The following SOX5 variants were observed in gnomAD, a reference collection of about 807,000 sequenced individuals.
SOX5 encodes SRY-box transcription factor 5.
Under a neutral mutation model 92.0 loss-of-function variants are expected in SOX5, and 9 were observed. The ratio of observed to expected loss-of-function variants is 0.10; its 90% CI spans 0.06 to 0.17. The LOEUF (loss-of-function observed/expected upper bound fraction) is 0.17. Among genes scored for constraint, SOX5 ranks in the 10% least tolerant of loss-of-function variants. The pLI is 1.00. For synonymous variants in SOX5, 344 were observed against 336.3 expected (o/e 1.02, Z -0.25); for missense variants, 642 against 944.5 (o/e 0.68, Z 4.20).
intron 8 of SOX5, among the ~76,000 whole-genome samples, chr12:23,608,120 A>G (rs914976234): frequency 2.0e-4 from 29 of 147,236 alleles, no homozygotes; most frequent in Admixed American, 4.0e-4. Flanking sequence ...AAAAAGAAAA[A>G]AAAAAAAAAA....
intron 4 of SOX5, among the ~76,000 whole-genome samples, chr12:24,036,142 AAGTT>A (rs1386039907): frequency 1.3e-5 from 2 of 152,106 alleles, no homozygotes; most frequent in Non-Finnish European, 2.9e-5. Flanking sequence ...CACTAACAAT[AAGTT>A]AGTTAGCAAC....
At chr12:23,536,306 C>T in intron 14 of SOX5, 147 bp downstream of exon 14, 1 of 651,160 alleles carries the variant, frequency 1.5e-6, no homozygotes. Context: ...TTTTCAAGAT[C>T]ATGTGGGAGA....
At position 23,846,095 on chromosome 12, in the gene SOX5, G is replaced by A; in HGVS notation, c.369C>T (p.Ser123=). The change falls in exon 3 of 15, where the codon TCC becomes TCT. Residue 123 remains serine (S), a synonymous_variant. Coordinates refer to ENST00000451604, the MANE Select transcript of SOX5 (RefSeq NM_006940.6). ...GAGTTCCCAGGGCTGTACTAGACAA[G>A]GACTCGCCACTCTGTCGCCCACCTT... ...AEEGGRQSGE[S]LSSTALGTPE... is the part of the protein sequence containing the mutation. The A allele has an allele frequency of 6.2e-7, 1 of 1,614,070 alleles. No homozygotes were observed. Among genetic ancestry groups the A allele is most frequent in the Non-Finnish European group, 8.5e-7 (1 of 1,179,982 alleles).
At chr12:23,801,130 C>T (rs1187982397) in intron 3 of SOX5, among the ~76,000 whole-genome samples, 2 of 152,126 alleles carry the variant, frequency 1.3e-5, no homozygotes, top group African/African-American at 2.4e-5. Flanking sequence ...TCCCTTGGCT[C>T]CTAAGGCAAT....
intron 1 of SOX5, among the ~76,000 whole-genome samples, chr12:24,523,766 G>A (rs1044494605): frequency 6.6e-6 from 1 of 152,150 alleles, no homozygotes; most frequent in South Asian, 2.1e-4. Flanking sequence ...AAACTTAAAT[G>A]TAAGACCTAA....
At chr12:24,038,743 C>T (rs1166662129) in intron 4 of SOX5, among the ~76,000 whole-genome samples, 1 of 152,128 alleles carries the variant, frequency 6.6e-6, no homozygotes, top group South Asian at 2.1e-4. Flanking sequence ...ATTATTCACT[C>T]CTGAGTAGTA....
At chr12:23,980,411 A>G (rs1046183070) in intron 4 of SOX5, among the ~76,000 whole-genome samples, 1 of 152,000 alleles carries the variant, frequency 6.6e-6, no homozygotes, top group Non-Finnish European at 1.5e-5. Flanking sequence ...ATTCCTTCAT[A>G]TATATATAAT....
intron 9 of SOX5, among the ~76,000 whole-genome samples, chr12:23,588,721 G>GCACA (rs56083228): frequency 4.0e-5 from 6 of 149,438 alleles, no homozygotes; most frequent in African/African-American, 1.5e-4. Flanking sequence ...ATGGGATAGT[G>GCACA]CACACACACA....
At chr12:23,879,084 C>A (rs964033872) in intron 2 of SOX5, among the ~76,000 whole-genome samples, 1 of 151,966 alleles carries the variant, frequency 6.6e-6, no homozygotes, top group African/African-American at 2.4e-5. Flanking sequence ...GAAAGAAATC[C>A]TTTCATGTTT....
intron 4 of SOX5, among the ~76,000 whole-genome samples, chr12:24,137,247 G>C (rs1950186020): frequency 6.6e-6 from 1 of 152,074 alleles, no homozygotes. Flanking sequence ...ATCTACACTG[G>C]GCAAGTTCTC....
At chr12:24,359,985 G>C (rs1222092618) in intron 2 of SOX5, among the ~76,000 whole-genome samples, 2 of 152,174 alleles carry the variant, frequency 1.3e-5, no homozygotes, top group Non-Finnish European at 2.9e-5. Context: ...GAATTGTATA[G>C]AGAAAGAAAA....
At chr12:24,049,638 G>GTTTTTTTTTTTTTTTTTTTTTT (rs527647441) in intron 4 of SOX5, among the ~76,000 whole-genome samples, 1 of 73,748 alleles carries the variant, frequency 1.4e-5, no homozygotes, top group East Asian at 4.1e-4. Context: ...ATCCTTCATA[G>GTTTTTTTTTTTTTTTTTTTTTT]TTTTTTTTTT....
intron 1 of SOX5, among the ~76,000 whole-genome samples, chr12:24,447,447 A>G (rs1941650568): frequency 1.3e-5 from 2 of 152,204 alleles, no homozygotes; most frequent in Non-Finnish European, 2.9e-5. Context: ...AACTGTCACA[A>G]TCCAGAGGAA....
At chr12:24,125,013 T>C (rs1215964328) in intron 4 of SOX5, among the ~76,000 whole-genome samples, 2 of 152,304 alleles carry the variant, frequency 1.3e-5, no homozygotes, top group East Asian at 3.9e-4. Flanking sequence ...TTTCTGATGA[T>C]TATAAATATA....
chr12:24,102,273 T>C (rs1032945047), intron 4 of SOX5, among the ~76,000 whole-genome samples: 1 of 152,312 alleles, frequency 6.6e-6, no homozygotes, highest in South Asian at 2.1e-4. Context: ...AGTGGGATTG[T>C]TGATAATGTT....
At chr12:24,366,456 T>C (rs1172804793) in intron 2 of SOX5, among the ~76,000 whole-genome samples, 3 of 152,128 alleles carry the variant, frequency 2.0e-5, no homozygotes, top group East Asian at 1.9e-4. Flanking sequence ...GATGTTACAG[T>C]TGAAGCAATG....
chr12:23,666,203 C>G (rs1474878915), intron 6 of SOX5, among the ~76,000 whole-genome samples: 2 of 151,566 alleles, frequency 1.3e-5, no homozygotes, highest in African/African-American at 2.4e-5. Flanking sequence ...AGAATTCAGT[C>G]TCTTGAATCC....
At chr12:23,639,818 A>T (rs574857933) in intron 8 of SOX5, among the ~76,000 whole-genome samples, 127 of 152,322 alleles carry the variant, frequency 8.3e-4, no homozygotes, top group African/African-American at 2.8e-3. Flanking sequence ...TGCAGGCCAG[A>T]TGTTATCTGT....
intron 3 of SOX5, among the ~76,000 whole-genome samples, chr12:23,804,916 TA>T (rs1249550073): frequency 0.19 from 616 of 3,218 alleles, 14 homozygotes; most frequent in African/African-American, 0.29. Flanking sequence ...ATCATTGTTT[TA>T]TATATATATA....
Sources: allele counts gnomAD v4.1 joint callset (sites outside exome capture counted in the v4.1 genomes callset), GRCh38; gene constraint gnomAD v4.1.1; transcripts MANE v1.5; gene names NCBI Gene and HGNC (gene_info 2026-07-23, HGNC 2026-07-21).